Variants in SWT1 observed in about 807,000 individuals in gnomAD.
SWT1 encodes SWT1 RNA endoribonuclease homolog.
A neutral mutation model predicts 107.3 loss-of-function variants in SWT1; 33 were observed. That is an observed-to-expected ratio of 0.31 (90% CI 0.23 to 0.41). SWT1 has a LOEUF of 0.41. Ranked by LOEUF, SWT1 falls within the 10% of genes least tolerant of loss-of-function variation. SWT1 has a pLI of 1.00. For synonymous variants in SWT1, 345 were observed against 348.3 expected (o/e 0.99, Z 0.11); for missense variants, 898 against 1,028.9 (o/e 0.87, Z 1.74).
rs184467573 is a variant in SWT1, at chr1:185,172,140, A to G, written c.225-2232A>G. Among the ~76,000 whole-genome samples the G allele has an allele frequency of 1.5e-3, 226 of 152,354 alleles. 6 individuals carry two copies. Among genetic ancestry groups the G allele is most frequent in the South Asian group, 1.9e-3 (9 of 4,826 alleles). On this transcript the variant is annotated intron_variant, in intron 4 of 18. Transcript: ENST00000367500. ...ACCAGAGTGATGGCACTGAAAAGGC[A>G]CACATTTACTGATATAAATTAATAG...
At chr1:185,210,646 A>G (rs1658715069) in intron 13 of SWT1, among the ~76,000 whole-genome samples, 1 of 152,182 alleles carries the variant, frequency 6.6e-6, no homozygotes, top group Non-Finnish European at 1.5e-5. Context: ...CAGGACAAGG[A>G]TGCCCTCTCT....
chr1:185,231,802 T>C, intron 16 of SWT1, 94 bp downstream of exon 16: 1 of 909,994 alleles, frequency 1.1e-6, no homozygotes, highest in East Asian at 2.6e-5. Context: ...AGGAGTCACA[T>C]AGAATAGACC....
At chr1:185,267,750 T>C (rs1443437071) in intron 16 of SWT1, among the ~76,000 whole-genome samples, 1 of 152,208 alleles carries the variant, frequency 6.6e-6, no homozygotes, top group African/African-American at 2.4e-5. Context: ...CTAAAAGATA[T>C]TTTTCCCAAG....
At chr1:185,259,217 T>C (rs773797581) in intron 16 of SWT1, among the ~76,000 whole-genome samples, 1 of 152,154 alleles carries the variant, frequency 6.6e-6, no homozygotes, top group Non-Finnish European at 1.5e-5. Flanking sequence ...TGTGCTGCCT[T>C]TCTCTTGTTT....
intron 12 of SWT1, among the ~76,000 whole-genome samples, chr1:185,205,783 A>G (rs1658285956): frequency 6.6e-6 from 1 of 152,226 alleles, no homozygotes; most frequent in Non-Finnish European, 1.5e-5. Context: ...AGTTGAACCA[A>G]AATGATGACG....
chr1:185,230,810 C>T (rs1279874920), intron 15 of SWT1, among the ~76,000 whole-genome samples: 2 of 152,036 alleles, frequency 1.3e-5, no homozygotes, highest in Admixed American at 6.6e-5. Context: ...TGCAGTGGCA[C>T]GATGACAGCT....
chr1:185,244,277 G>A (rs1052591027), intron 16 of SWT1, among the ~76,000 whole-genome samples: 1 of 151,990 alleles, frequency 6.6e-6, no homozygotes, highest in South Asian at 2.1e-4. Context: ...ATGTTCTTGT[G>A]TGAGCATTAT....
At chr1:185,168,096 A>G (rs1050376154) in intron 3 of SWT1, among the ~76,000 whole-genome samples, 3 of 152,158 alleles carry the variant, frequency 2.0e-5, no homozygotes, top group Non-Finnish European at 4.4e-5. Context: ...TAGCGTAGAG[A>G]GAGTCAGACA....
intron 17 of SWT1, among the ~76,000 whole-genome samples, chr1:185,276,233 C>T (rs1558097351): frequency 6.6e-6 from 1 of 151,888 alleles, no homozygotes; most frequent in Non-Finnish European, 1.5e-5. Context: ...ACATGTAGAC[C>T]TCAATAATCT....
chr1:185,229,456 C>CT, intron 15 of SWT1, among the ~76,000 whole-genome samples: 1 of 151,912 alleles, frequency 6.6e-6, no homozygotes, highest in Non-Finnish European at 1.5e-5. Flanking sequence ...GGAGGAAGAA[C>CT]TTTTAGTGTC....
chr1:185,191,945 G>GTT (rs1398033065), intron 10 of SWT1, among the ~76,000 whole-genome samples: 2 of 151,926 alleles, frequency 1.3e-5, no homozygotes, highest in Non-Finnish European at 2.9e-5. Flanking sequence ...TGGTGAGCCT[G>GTT]TTTTTCTCTC....
chr1:185,160,762 T>C, intron 1 of SWT1, 71 bp from the exon 2 acceptor site: 1 of 1,129,502 alleles, frequency 8.9e-7, no homozygotes, highest in Non-Finnish European at 1.3e-6. Context: ...TTTATATAAC[T>C]GAAAGAAGAC....
chr1:185,165,571 T>C (rs1344454104), intron 2 of SWT1, among the ~76,000 whole-genome samples: 1 of 152,188 alleles, frequency 6.6e-6, no homozygotes, highest in African/African-American at 2.4e-5. Context: ...TATAGTCTGT[T>C]CTCAACACAC....
intron 17 of SWT1, among the ~76,000 whole-genome samples, chr1:185,274,045 A>G (rs1323989591): frequency 2.6e-5 from 4 of 151,948 alleles, no homozygotes; most frequent in Non-Finnish European, 5.9e-5. Flanking sequence ...AAAATCACAT[A>G]CCCTGGAAAA....
chr1:185,204,891 A>T, intron 12 of SWT1, 28 bp downstream of exon 12: 1 of 1,437,558 alleles, frequency 7.0e-7, no homozygotes, highest in South Asian at 1.4e-5. Context: ...ATTAGTTGAA[A>T]ATTTCTTTTT....
intron 13 of SWT1, among the ~76,000 whole-genome samples, chr1:185,208,759 TCTCCTAACA>T (rs1658533730): frequency 6.7e-6 from 1 of 148,940 alleles, no homozygotes. Flanking sequence ...TTTTTTTTGA[TCTCCTAACA>T]TGATGCATTT....
intron 17 of SWT1, among the ~76,000 whole-genome samples, chr1:185,274,474 A>G (rs1413969038): frequency 2.0e-5 from 3 of 151,876 alleles, no homozygotes; most frequent in Non-Finnish European, 4.4e-5. Flanking sequence ...AGATTTTTAA[A>G]ATCATTTCTC....
rs774649811 is a variant in SWT1, at chr1:185,174,829, A to G, written c.682A>G (p.Arg228Gly). Reference protein sequence around the residue: ...NKIIKEPLGSRRQKISFKIPI... With the variant: ...NKIIKEPLGSGRQKISFKIPI... Reference sequence around the variant, plus strand: ...GATAATTAAGGAACCCTTGGGATCTAGAAGACAGAAGATCAGTTTCAAAAT... The same window carrying G: ...GATAATTAAGGAACCCTTGGGATCTGGAAGACAGAAGATCAGTTTCAAAAT... The change falls in exon 5 of 19, where the codon AGA becomes GGA. Residue 228 changes from arginine (R) to glycine (G), a missense_variant. Transcript: ENST00000367500. 1.9e-6 allele frequency: 3 copies of G among 1,614,034 alleles called. No homozygotes were observed. The highest frequency in any genetic ancestry group is 2.5e-6 in the Non-Finnish European group (3 of 1,179,990).
At chr1:185,226,990 C>A in intron 15 of SWT1, 1 of 871,042 alleles carries the variant, frequency 1.1e-6, no homozygotes. Context: ...CACATCTCCT[C>A]CATCATGTCT....
Sources: gnomAD v4.1 joint callset for allele counts (sites outside exome capture counted in the v4.1 genomes callset) on GRCh38, gnomAD v4.1.1 for gene constraint, MANE v1.5 for transcripts, NCBI Gene and HGNC (gene_info 2026-07-23, HGNC 2026-07-21) for gene names.